TOP3A: variants seen among roughly 807,000 people sequenced by gnomAD.
TOP3A encodes DNA topoisomerase 3-alpha.
In TOP3A, 64 loss-of-function variants were observed where a neutral mutation model predicts 111.3. The observed-to-expected ratio is 0.57, with a 90% CI of 0.47 to 0.71. TOP3A has a LOEUF of 0.71. Among genes scored for constraint, TOP3A ranks in the 30% least tolerant of loss-of-function variants. The pLI is 0.00. For missense variants in TOP3A, 1,104 were observed against 1,285.0 expected (o/e 0.86, Z 2.15); for synonymous variants, 484 against 485.1 (o/e 1.00, Z 0.03).
intron 1 of TOP3A, among the ~76,000 whole-genome samples, chr17:18,314,020 CCT>C (rs1176874538): frequency 6.6e-6 from 1 of 152,188 alleles, no homozygotes; most frequent in African/African-American, 2.4e-5. Context: ...TTACCACTTA[CCT>C]CTCTCAGAAT....
At chr17:18,304,464 T>A (rs920871275) in intron 5 of TOP3A, among the ~76,000 whole-genome samples, 14 of 152,254 alleles carry the variant, frequency 9.2e-5, no homozygotes, top group African/African-American at 3.1e-4. Flanking sequence ...TAAAGGAAAG[T>A]AGCAACCCCA....
At position 18,292,820 on chromosome 17, in the gene TOP3A, ATGTT is replaced by A. The variant is rs1358349899; in HGVS notation, c.1102_1105del (p.Asn368PhefsTer6). The A allele has an allele frequency of 6.2e-7, 1 of 1,613,916 alleles. No individual in the cohort carries two copies. Among genetic ancestry groups the A allele is most frequent in the Non-Finnish European group, 8.5e-7 (1 of 1,179,900 alleles). On this transcript the variant is annotated frameshift_variant, in exon 11 of 19. Transcript: ENST00000321105. LOFTEE classifies it high-confidence loss of function. Reference sequence around the variant, plus strand: ...CGTCAGGTTTAAGTCTCTGGGAAAAATGTTTGTTTCTGTTCGGGGATAGCTGATG... The same window carrying A: ...CGTCAGGTTTAAGTCTCTGGGAAAAATGTTTCTGTTCGGGGATAGCTGATG...
In TOP3A at chr17:18,274,416, G is replaced by A. The variant is rs560985394; in HGVS notation, c.*386C>T. 8.4e-5 allele frequency: 14 copies of A among 166,776 alleles called. No homozygotes were observed. In the South Asian group the frequency reaches 2.4e-3, roughly 29 times the overall value. 10.3% of individuals were successfully genotyped at this position (166,776 alleles called of 1,614,324 possible). On this transcript the variant is annotated 3_prime_UTR_variant, in exon 19 of 19. Coordinates refer to ENST00000321105, the MANE Select transcript of TOP3A (RefSeq NM_004618.5). The stretch of plus-strand genomic sequence containing the variant: ...GACAGGGACTGCCCCATGAGTGCTG[G>A]TGGCTCACTTGGGGCTTTCTGCAGG...
chr17:18,276,149 TAC>T (rs1456220669), intron 18 of TOP3A, among the ~76,000 whole-genome samples: 1 of 152,170 alleles, frequency 6.6e-6, no homozygotes, highest in East Asian at 1.9e-4. Flanking sequence ...CGGCCCTTTT[TAC>T]AGAGGCAGAA....
In TOP3A at chr17:18,290,885, C is replaced by T. The variant is rs144590444; in HGVS notation, c.1424G>A (p.Arg475Gln). 7.4e-6 allele frequency: 12 copies of T among 1,614,082 alleles called. 1 individual carries two copies. Among genetic ancestry groups the T allele is most frequent in the Middle Eastern group, 1.6e-4 (1 of 6,084 alleles). The change falls in exon 12 of 19, where the codon CGA becomes CAA. Residue 475 changes from arginine to glutamine, a missense_variant. Coordinates refer to ENST00000321105, the MANE Select transcript of TOP3A (RefSeq NM_004618.5). ...ATATGGATACACATCCAGATAGTTT[C>T]GGGCCAGAATCATGAGGCCATGGGC... is the stretch of plus-strand genomic sequence containing the variant. ...FVAHGLMILA[R>Q]NYLDVYPYDH... is the part of the protein sequence containing the mutation.
chr17:18,279,188 T>C (rs547338496), intron 17 of TOP3A, among the ~76,000 whole-genome samples: 3 of 152,294 alleles, frequency 2.0e-5, no homozygotes, highest in South Asian at 4.1e-4. Flanking sequence ...CTTTTGAAAA[T>C]AGGTATTTTA....
chr17:18,307,313 T>C (rs1381736979), intron 3 of TOP3A, among the ~76,000 whole-genome samples: 1 of 152,202 alleles, frequency 6.6e-6, no homozygotes, highest in East Asian at 1.9e-4. Context: ...GTATTATAAA[T>C]TACTGCTGGG....
chr17:18,305,761 C>T (rs1406540300), intron 4 of TOP3A, among the ~76,000 whole-genome samples: 1 of 152,032 alleles, frequency 6.6e-6, no homozygotes, highest in Non-Finnish European at 1.5e-5. Context: ...TGGCATGAAC[C>T]CGGGAGGCGC....
Position 18,305,486 on chromosome 17 carries a change from A to ACACACACACGCG in TOP3A, c.391-267_391-266insCGCGTGTGTGTG, listed in dbSNP as rs1164323613. Among the ~76,000 whole-genome samples the ACACACACACGCG allele has an allele frequency of 2.3e-4, 34 of 149,514 alleles. 1 individual carries two copies. Among genetic ancestry groups the ACACACACACGCG allele is most frequent in the African/African-American group, 8.4e-4 (34 of 40,468 alleles). On this transcript the variant is annotated intron_variant, in intron 4 of 18. Transcript: ENST00000321105. ...TGAAATTCAGCTCTAACACACACAC[A>ACACACACACGCG]CGCGCGCGCGCGCGCGCGCACGCAC...
At chr17:18,276,658 C>G (rs973375867) in intron 18 of TOP3A, among the ~76,000 whole-genome samples, 5 of 152,188 alleles carry the variant, frequency 3.3e-5, no homozygotes, top group African/African-American at 1.2e-4. Flanking sequence ...GCTTTGGAAC[C>G]AGATTTGCTC....
intron 13 of TOP3A, among the ~76,000 whole-genome samples, chr17:18,286,494 C>A (rs1485586938): frequency 2.0e-5 from 3 of 152,070 alleles, no homozygotes; most frequent in Admixed American, 6.6e-5. Flanking sequence ...CCAGCCTGGG[C>A]AACAGAGCGA....
At chr17:18,310,194 A>C in intron 1 of TOP3A, among the ~76,000 whole-genome samples, 1 of 152,048 alleles carries the variant, frequency 6.6e-6, no homozygotes, top group Admixed American at 6.6e-5. Context: ...TGGGAGGCTG[A>C]GGTGGGCGGA....
chr17:18,306,618 G>T (rs984914436), intron 4 of TOP3A: 5 of 318,442 alleles, frequency 1.6e-5, no homozygotes, highest in Admixed American at 4.7e-5. Context: ...ATCCTGCCTT[G>T]GCCCCACAAA....
At position 18,292,865 on chromosome 17, in the gene TOP3A, C is replaced by A; in HGVS notation, c.1074-13G>T. 6.3e-7 allele frequency: 1 copy of A among 1,596,488 alleles called. No homozygotes were observed. The highest frequency in any genetic ancestry group is 8.5e-7 in the Non-Finnish European group (1 of 1,169,862). ...ATAGCTGATGTACCTAAAACCAAGGCAAACAAACAGAAAAAGAAATTGCTA... is the reference window on the plus strand; with the variant it reads ...ATAGCTGATGTACCTAAAACCAAGGAAAACAAACAGAAAAAGAAATTGCTA... On this transcript the variant is annotated splice_polypyrimidine_tract_variant and intron_variant, in intron 10 of 18. Coordinates refer to ENST00000321105, the MANE Select transcript of TOP3A (RefSeq NM_004618.5).
intron 1 of TOP3A, among the ~76,000 whole-genome samples, chr17:18,311,000 A>ATT (rs1981874080): frequency 7.3e-6 from 1 of 137,516 alleles, no homozygotes; most frequent in African/African-American, 2.6e-5. Context: ...AACAACTATG[A>ATT]ATTTTTTTTT....
intron 10 of TOP3A, among the ~76,000 whole-genome samples, chr17:18,293,816 C>T (rs1228356984): frequency 1.3e-5 from 2 of 151,736 alleles, no homozygotes; most frequent in Non-Finnish European, 2.9e-5. Flanking sequence ...AGGCTGGTCT[C>T]GAACTCCTGA....
chr17:18,283,912 G>A (rs1979924265), intron 15 of TOP3A, among the ~76,000 whole-genome samples: 1 of 152,136 alleles, frequency 6.6e-6, no homozygotes, highest in Non-Finnish European at 1.5e-5. Flanking sequence ...GTGGGGAAGG[G>A]GTAGCTTCCA....
Position 18,273,644 on chromosome 17 carries a change from G to GT in TOP3A, c.*1157dup, listed in dbSNP as rs1222497376. Among the ~76,000 whole-genome samples the GT allele has an allele frequency of 6.6e-6, 1 of 152,140 alleles. No homozygotes were observed. The highest frequency in any genetic ancestry group is 1.5e-5 in the Non-Finnish European group (1 of 68,016). ...GTTGGATTCTTTCATTTTAAAAAAAGTTTGAGACAGGGTCTTACTCTGTCA... is the reference window on the plus strand; with the variant it reads ...GTTGGATTCTTTCATTTTAAAAAAAGTTTTGAGACAGGGTCTTACTCTGTCA... On this transcript the variant is annotated 3_prime_UTR_variant, in exon 19 of 19. Coordinates refer to ENST00000321105, the MANE Select transcript of TOP3A (RefSeq NM_004618.5).
rs894068053 is a variant in TOP3A at position 18,302,802 on chromosome 17, C to A, written c.500-79G>T. On this transcript the variant is annotated intron_variant, in intron 5 of 18. Coordinates refer to ENST00000321105, the MANE Select transcript of TOP3A (RefSeq NM_004618.5). Reference sequence around the variant, plus strand: ...CATAAAGGACTCACTTTTCTTAAAGCCCCTTGAAATAAAGGCAAACCAGTT... The same window carrying A: ...CATAAAGGACTCACTTTTCTTAAAGACCCTTGAAATAAAGGCAAACCAGTT... 22 of 1,523,304 alleles carry A rather than the reference C, an allele frequency of 1.4e-5. No individual in the cohort carries two copies. In the African/African-American group the frequency reaches 3.0e-4, roughly 21 times the overall value. The allele number at this position is 1,523,304 out of a possible 1,614,324, so 94.4% of individuals were successfully genotyped here. A position where few individuals can be genotyped will look rare whatever the true frequency, so the allele number is the denominator to read the frequency against.
Sources: gnomAD v4.1 joint callset for allele counts (sites outside exome capture counted in the v4.1 genomes callset) on GRCh38, gnomAD v4.1.1 for gene constraint, MANE v1.5 for transcripts, NCBI Gene and HGNC (gene_info 2026-07-23, HGNC 2026-07-21) for gene names.